Variants in PCDH15 observed in about 807,000 individuals in gnomAD.
The protein encoded by PCDH15 is protocadherin related 15.
PCDH15 carries 129 observed loss-of-function variants against 178.5 expected under a neutral mutation model. That is an observed-to-expected ratio of 0.72 (90% CI 0.63 to 0.84). The LOEUF (loss-of-function observed/expected upper bound fraction) is 0.84, where lower values mean the gene tolerates loss of function less well. Ranked by LOEUF, PCDH15 falls within the 40% of genes least tolerant of loss-of-function variation. The pLI is 0.00. For synonymous variants in PCDH15, 800 were observed against 732.0 expected, an observed-to-expected ratio of 1.09 and a Z score of -1.50; for missense variants, 2,230 against 2,099.9, an observed-to-expected ratio of 1.06 and a Z score of -1.21.
chr10:54,650,127 T>C (rs1590825692), intron 2 of PCDH15, among the ~76,000 whole-genome samples: 4 of 152,288 alleles, frequency 2.6e-5, no homozygotes. Flanking sequence ...GTGTCATCAG[T>C]ACTAACATTG....
At chr10:53,875,780 C>T (rs2080185774) in intron 26 of PCDH15, among the ~76,000 whole-genome samples, 1 of 152,148 alleles carries the variant, frequency 6.6e-6, no homozygotes, top group Non-Finnish European at 1.5e-5. Flanking sequence ...AGATGTACAA[C>T]ATTAAAAGAA....
chr10:54,779,473 T>C lies in PCDH15; in HGVS notation c.-29+21452A>G, dbSNP rs1311189738. 4.6e-4 allele frequency among the ~76,000 whole-genome samples: 51 copies of C among 110,552 alleles called. 2 individuals carry two copies. The highest frequency in any genetic ancestry group is 1.5e-3 in the African/African-American group (45 of 30,428). The allele number at this position is 110,552 out of a possible 152,430, so 72.5% of individuals were successfully genotyped here. A position where few individuals can be genotyped will look rare whatever the true frequency, so the allele number is the denominator to read the frequency against. ...ACACTCATATATGTGTGTATATATA[T>C]ACACACATATATATGTATATATATA... On this transcript the variant is annotated intron_variant, in intron 1 of 37. Coordinates refer to ENST00000644397, the MANE Select transcript of PCDH15 (RefSeq NM_001384140.1).
intron 2 of PCDH15, among the ~76,000 whole-genome samples, chr10:55,494,058 C>T (rs1840480524): frequency 6.6e-6 from 1 of 151,736 alleles, no homozygotes; most frequent in Non-Finnish European, 1.5e-5. Flanking sequence ...GGAGAATAGT[C>T]TACATACATT....
intron 2 of PCDH15, among the ~76,000 whole-genome samples, chr10:55,427,569 G>T (rs1992819): frequency 0.2 from 30,342 of 152,108 alleles, 4,004 homozygotes; most frequent in Non-Finnish European, 0.29. Flanking sequence ...TTCAACTCAG[G>T]TTAAGAAAAG....
Position 55,523,734 on chromosome 10 carries a change from G to A in PCDH15, c.-156+103891C>T, listed in dbSNP as rs568390997. Among the ~76,000 whole-genome samples the A allele has an allele frequency of 1.1e-4, 16 of 151,534 alleles. No homozygotes were observed. In the South Asian group the frequency reaches 2.9e-3, roughly 28 times the overall value. ...CCTTATCAGATTCCATATAGAAGGCGAATCATGACAATGCTAATCAAGGTA... is the reference window on the plus strand; with the variant it reads ...CCTTATCAGATTCCATATAGAAGGCAAATCATGACAATGCTAATCAAGGTA... On this transcript the variant is annotated intron_variant, in intron 2 of 5. Transcript: ENST00000613346.
intron 23 of PCDH15, among the ~76,000 whole-genome samples, chr10:53,957,249 G>T (rs1199617253): frequency 6.6e-6 from 1 of 152,128 alleles, no homozygotes; most frequent in Non-Finnish European, 1.5e-5. Flanking sequence ...AGTTAAAACT[G>T]TGAGCGTTTT....
intron 1 of PCDH15, among the ~76,000 whole-genome samples, chr10:55,199,773 G>A (rs1840192575): frequency 6.6e-6 from 1 of 152,076 alleles, no homozygotes; most frequent in Non-Finnish European, 1.5e-5. Context: ...AGCTGCTCTA[G>A]CTCCAGCCGT....
At chr10:54,805,039 A>G (rs1230597182), upstream of PCDH15, among the ~76,000 whole-genome samples, 1 of 147,684 alleles carries the variant, frequency 6.8e-6, no homozygotes, top group East Asian at 2.0e-4. Context: ...GCAAATGTAT[A>G]TATTAACTAA....
chr10:54,752,639 C>A (rs557049850), intron 1 of PCDH15, among the ~76,000 whole-genome samples: 13 of 151,718 alleles, frequency 8.6e-5, no homozygotes, highest in Non-Finnish European at 1.9e-4. Context: ...GACTCTATTA[C>A]ATTCTTTGAT....
chr10:55,381,911 C>T lies in PCDH15; in HGVS notation c.-155-215260G>A, dbSNP rs369628533. 7.9e-5 allele frequency among the ~76,000 whole-genome samples: 12 copies of T among 152,236 alleles called. No homozygotes were observed. The East Asian group carries it at 1.9e-3, about 25-fold the overall frequency. ...ATTGGCTGGAGGAAACAAGTTTGCA[C>T]TCTGAAAGAAAAGTTGTCTGAGAAA... On this transcript the variant is annotated intron_variant, in intron 2 of 5. Transcript: ENST00000613346.
At chr10:54,933,539 C>T (rs1372495273) in intron 2 of PCDH15, among the ~76,000 whole-genome samples, 2 of 152,082 alleles carry the variant, frequency 1.3e-5, no homozygotes, top group African/African-American at 4.8e-5. Flanking sequence ...CAAGGTATCA[C>T]CACTGTTCTA....
chr10:54,578,480 C>T (rs950408679), intron 2 of PCDH15, among the ~76,000 whole-genome samples: 1 of 151,992 alleles, frequency 6.6e-6, no homozygotes, highest in Non-Finnish European at 1.5e-5. Flanking sequence ...AAGAACTCAT[C>T]TCCTAAGGTT....
intron 2 of PCDH15, among the ~76,000 whole-genome samples, chr10:55,071,161 C>A (rs181255309): frequency 6.6e-5 from 10 of 152,256 alleles, no homozygotes; most frequent in Admixed American, 6.5e-4. Flanking sequence ...ATTGTAAAGA[C>A]CATCGAGGCT....
At chr10:54,662,717 C>A (rs2094510009) in intron 2 of PCDH15, among the ~76,000 whole-genome samples, 1 of 151,908 alleles carries the variant, frequency 6.6e-6, no homozygotes, top group Non-Finnish European at 1.5e-5. Flanking sequence ...TGAAAAAAGA[C>A]AGACAGTGAA....
intron 3 of PCDH15, among the ~76,000 whole-genome samples, chr10:54,481,158 GCA>G (rs1487033066): frequency 2.0e-5 from 3 of 151,768 alleles, no homozygotes; most frequent in East Asian, 3.9e-4. Context: ...TATATGAATA[GCA>G]CAGTCATATA....
At chr10:54,679,152 C>T (rs1327450917) in intron 1 of PCDH15, among the ~76,000 whole-genome samples, 3 of 144,112 alleles carry the variant, frequency 2.1e-5, no homozygotes, top group Non-Finnish European at 4.5e-5. Flanking sequence ...ATTGCGCCAC[C>T]GCACTCCAAC....
chr10:54,876,843 A>G (rs1954153712), intron 3 of PCDH15, among the ~76,000 whole-genome samples: 1 of 152,180 alleles, frequency 6.6e-6, no homozygotes, highest in African/African-American at 2.4e-5. Context: ...GATTGAGAAT[A>G]TTACATGTAT....
intron 2 of PCDH15, among the ~76,000 whole-genome samples, chr10:55,413,808 T>G (rs903898041): frequency 9.2e-5 from 14 of 151,360 alleles, no homozygotes; most frequent in Non-Finnish European, 1.9e-4. Flanking sequence ...TCGGAAATAT[T>G]TTTTTTAGGT....
At chr10:55,134,909 A>G (rs1351004479) in intron 2 of PCDH15, among the ~76,000 whole-genome samples, 2 of 152,184 alleles carry the variant, frequency 1.3e-5, no homozygotes, top group Non-Finnish European at 2.9e-5. Context: ...TAGAATCTTC[A>G]GTAAGATAGA....
Sources: allele counts gnomAD v4.1 joint callset (sites outside exome capture counted in the v4.1 genomes callset), GRCh38; gene constraint gnomAD v4.1.1; transcripts MANE v1.5; gene names NCBI Gene and HGNC (gene_info 2026-07-23, HGNC 2026-07-21).